Variants in DPP6 observed in about 807,000 individuals in gnomAD.
DPP6 encodes dipeptidyl peptidase like 6, also known as A-type potassium channel modulatory protein DPP6.
DPP6 carries 69 observed loss-of-function variants against 122.6 expected under a neutral mutation model. The observed-to-expected ratio is 0.56, with a 90% confidence interval of 0.46 to 0.69. The LOEUF is 0.69. DPP6 is among the 30% of genes least tolerant of loss of function. The probability of loss-of-function intolerance (pLI) is 0.00; values close to 1 mark genes in which losing one functional copy is unlikely to be tolerated. For missense variants in DPP6, 928 were observed against 1,116.9 expected (o/e 0.83, Z 2.41); for synonymous variants, 418 against 433.1 (o/e 0.97, Z 0.43).
intron 22 of DPP6, 48 bp from the exon 23 acceptor site, chr7:154,887,623 GCTCAC>G: frequency 6.2e-7 from 1 of 1,600,190 alleles, no homozygotes; most frequent in Non-Finnish European, 8.6e-7. Context: ...TGGGGGCTGC[GCTCAC>G]AGGGCCTCGA....
intron 1 of DPP6, among the ~76,000 whole-genome samples, chr7:154,191,335 G>T (rs950998809): frequency 6.6e-6 from 1 of 152,230 alleles, no homozygotes; most frequent in African/African-American, 2.4e-5. Context: ...TAGGCAGATA[G>T]ACTTATTAAG....
chr7:154,773,851 G>GA (rs1443605866), intron 10 of DPP6, among the ~76,000 whole-genome samples: 5 of 152,144 alleles, frequency 3.3e-5, no homozygotes, highest in African/African-American at 4.8e-5. Flanking sequence ...CTAGCTCGGG[G>GA]ATGGATGCTC....
chr7:154,380,456 C>T (rs927488918), intron 1 of DPP6, among the ~76,000 whole-genome samples: 2 of 152,314 alleles, frequency 1.3e-5, no homozygotes, highest in Non-Finnish European at 2.9e-5. Flanking sequence ...GACAGGTGTT[C>T]ATTGTGTTCT....
the DPP6 span, among the ~76,000 whole-genome samples, chr7:153,863,300 T>C: frequency 6.6e-6 from 1 of 152,192 alleles, no homozygotes; most frequent in Non-Finnish European, 1.5e-5. Flanking sequence ...TTCCATGGTA[T>C]ATATGTACCA....
At position 154,699,689 on chromosome 7, in the gene DPP6, C is replaced by T. The variant is rs551580618; in HGVS notation, c.763-28078C>T. Among the ~76,000 whole-genome samples the T allele has an allele frequency of 1.0e-3, 153 of 152,310 alleles. 1 individual carries two copies. The highest frequency in any genetic ancestry group is 5.4e-3 in the Admixed American group (83 of 15,300). On this transcript the variant is annotated intron_variant, in intron 7 of 25. Coordinates refer to ENST00000377770, the MANE Select transcript of DPP6 (RefSeq NM_130797.4). ...GGGGCCTGAGAGTCTGCATTTCTAA[C>T]GAATCCCCAGGTGCTGCTGAGTGGC...
chr7:153,854,164 G>A, the DPP6 span, among the ~76,000 whole-genome samples: 16,685 of 149,282 alleles, frequency 0.11, 1,251 homozygotes, highest in African/African-American at 0.22. Flanking sequence ...GTAGATATGC[G>A]GCATTATTTC....
chr7:154,754,854 T>A (rs549749602), intron 8 of DPP6, among the ~76,000 whole-genome samples: 1 of 152,182 alleles, frequency 6.6e-6, no homozygotes, highest in South Asian at 2.1e-4. Context: ...GAAACCATCA[T>A]CCTCAGCAAA....
At chr7:154,218,810 G>A (rs4294116) in intron 1 of DPP6, among the ~76,000 whole-genome samples, 14,300 of 152,150 alleles carry the variant, frequency 0.094, 1,616 homozygotes, top group African/African-American at 0.27. Flanking sequence ...ATTAAACAGC[G>A]GGGCTAAAAA....
chr7:154,853,936 G>A (rs1171234320), intron 17 of DPP6, 109 bp downstream of exon 17: 1 of 1,453,278 alleles, frequency 6.9e-7, no homozygotes. Context: ...ACAGAGGGAT[G>A]AGTCATGTCC....
intron 7 of DPP6, among the ~76,000 whole-genome samples, chr7:154,676,301 T>G (rs62475191): frequency 0.27 from 36,144 of 134,714 alleles, 5,278 homozygotes; most frequent in East Asian, 0.5. Flanking sequence ...CCCTTCCCCA[T>G]GTGACCTGCT....
At chr7:154,090,115 A>G (rs1804699817) in intron 1 of DPP6, among the ~76,000 whole-genome samples, 1 of 152,108 alleles carries the variant, frequency 6.6e-6, no homozygotes, top group South Asian at 2.1e-4. Flanking sequence ...GCATGGGGCC[A>G]TGGAACTTGG....
chr7:154,802,600 T>C (rs1798440366), intron 13 of DPP6, among the ~76,000 whole-genome samples: 1 of 152,224 alleles, frequency 6.6e-6, no homozygotes, highest in South Asian at 2.1e-4. Flanking sequence ...GGCTCACGCC[T>C]GTAATCCCAG....
intron 1 of DPP6, among the ~76,000 whole-genome samples, chr7:154,367,611 C>T (rs1224036992): frequency 6.6e-6 from 1 of 152,102 alleles, no homozygotes; most frequent in Non-Finnish European, 1.5e-5. Context: ...CTTGACTTTT[C>T]TCCAAAATTA....
chr7:154,157,384 G>A lies in DPP6; in HGVS notation c.243+104321G>A, dbSNP rs115782300. 5.7e-3 allele frequency among the ~76,000 whole-genome samples: 867 copies of A among 152,342 alleles called. 12 individuals are homozygous for A. The highest frequency in any genetic ancestry group is 0.019 in the African/African-American group (793 of 41,592). ...TAGCCTGGCAGAGACTTCAGAGGAGGAACTCCCTGAGAATGGGAAGTCATT... is the reference window on the plus strand; with the variant it reads ...TAGCCTGGCAGAGACTTCAGAGGAGAAACTCCCTGAGAATGGGAAGTCATT... On this transcript the variant is annotated intron_variant, in intron 1 of 25. Transcript: ENST00000377770.
chr7:153,778,475 G>C, the DPP6 span, among the ~76,000 whole-genome samples: 1 of 151,352 alleles, frequency 6.6e-6, no homozygotes, highest in Non-Finnish European at 1.5e-5. Flanking sequence ...CTCTTACTCA[G>C]ATCTTGTATT....
the DPP6 span, among the ~76,000 whole-genome samples, chr7:153,878,751 C>T: frequency 3.9e-5 from 6 of 152,062 alleles, no homozygotes; most frequent in Non-Finnish European, 8.8e-5. Flanking sequence ...GACTTAGGCA[C>T]TTCTCTCTAA....
At chr7:154,286,055 A>C (rs908077486) in intron 1 of DPP6, among the ~76,000 whole-genome samples, 6 of 152,192 alleles carry the variant, frequency 3.9e-5, no homozygotes, top group African/African-American at 1.4e-4. Flanking sequence ...TTAAAAACAT[A>C]GATTCTCTTG....
At chr7:153,974,984 C>T (rs1033719690) in intron 1 of DPP6, among the ~76,000 whole-genome samples, 8 of 152,198 alleles carry the variant, frequency 5.3e-5, no homozygotes, top group Non-Finnish European at 8.8e-5. Context: ...AGCGAGGGCT[C>T]ACATTTGGCT....
chr7:154,806,049 G>A (rs146917085), intron 15 of DPP6, among the ~76,000 whole-genome samples: 86 of 152,338 alleles, frequency 5.6e-4, no homozygotes, highest in African/African-American at 1.8e-3. Flanking sequence ...GCCGCTATGC[G>A]GACAGGATGA....
Sources: allele counts gnomAD v4.1 joint callset (sites outside exome capture counted in the v4.1 genomes callset), GRCh38; gene constraint gnomAD v4.1.1; transcripts MANE v1.5; gene names NCBI Gene and HGNC (gene_info 2026-07-23, HGNC 2026-07-21).